The following CSF2RA variants were observed in gnomAD, a reference collection of about 807,000 sequenced individuals.
CSF2RA encodes granulocyte-macrophage colony-stimulating factor receptor subunit alpha.
Under a neutral mutation model 51.6 loss-of-function variants are expected in CSF2RA, and 42 were observed. The observed-to-expected ratio is 0.81, with a 90% CI of 0.64 to 1.05. CSF2RA has a LOEUF of 1.05. Ranked by LOEUF, CSF2RA falls within the 50% of genes least tolerant of loss-of-function variation. The pLI, the probability that CSF2RA is intolerant of heterozygous loss-of-function variation, is 0.00. For synonymous variants in CSF2RA, 222 were observed against 193.0 expected (o/e 1.15, Z -1.24); for missense variants, 530 against 501.1 (o/e 1.06, Z -0.55).
intron 7 of CSF2RA, among the ~76,000 whole-genome samples, chrX:1,293,300 C>G (rs753353945): frequency 1.1e-3 from 170 of 152,200 alleles, no homozygotes; most frequent in African/African-American, 3.7e-3. Context: ...CTCACTGCAA[C>G]CTCCGCCTCC....
intron 12 of CSF2RA, among the ~76,000 whole-genome samples, chrX:1,307,098 A>G (rs1170312479): frequency 2.0e-5 from 3 of 151,904 alleles, no homozygotes; most frequent in Non-Finnish European, 4.4e-5. Flanking sequence ...TCTCCCACCC[A>G]CCTCTCTCCG....
intron 12 of CSF2RA, chrX:1,305,995 C>T (rs763238234): frequency 1.1e-4 from 60 of 549,694 alleles, no homozygotes; most frequent in African/African-American, 6.4e-4. Context: ...GGCAGTAGAA[C>T]GGCTTGAACC....
At chrX:1,277,992 A>AAAAG (rs1556495779) in intron 2 of CSF2RA, among the ~76,000 whole-genome samples, 5 of 138,980 alleles carry the variant, frequency 3.6e-5, no homozygotes, top group African/African-American at 1.3e-4. Context: ...AAAAAAAAAA[A>AAAAG]ATTTCAGGGC....
chrX:1,303,867 C>T, intron 10 of CSF2RA, 56 bp from the exon 11 acceptor site: 1 of 1,416,102 alleles, frequency 7.1e-7, no homozygotes, highest in African/African-American at 1.4e-5. Context: ...GATTTAATTT[C>T]CTTTCACATG....
chrX:1,283,558 C>A (rs1660174151), intron 3 of CSF2RA, among the ~76,000 whole-genome samples: 5 of 114,060 alleles, frequency 4.4e-5, no homozygotes, highest in Admixed American at 2.1e-4. Context: ...TTCTTTCTTT[C>A]TTTCTTTCCT....
chrX:1,294,197 T>C, intron 7 of CSF2RA, 131 bp from the exon 8 acceptor site: 1 of 1,119,494 alleles, frequency 8.9e-7, no homozygotes, highest in South Asian at 1.2e-5. Flanking sequence ...CTGGACCCAG[T>C]GTAGACAGGA....
chrX:1,304,657 TG>T (rs1462997746), intron 11 of CSF2RA, among the ~76,000 whole-genome samples: 4 of 143,542 alleles, frequency 2.8e-5, no homozygotes, highest in South Asian at 2.1e-4. Context: ...TTTTTTTGTT[TG>T]TTTGTTTTTT....
the CSF2RA span, among the ~76,000 whole-genome samples, chrX:1,325,089 C>A: frequency 6.6e-6 from 1 of 151,382 alleles, no homozygotes; most frequent in Admixed American, 6.6e-5. Context: ...TACTTTGCGC[C>A]GTGGCTCACG....
At chrX:1,320,116 C>T in the CSF2RA span, among the ~76,000 whole-genome samples, 3 of 151,804 alleles carry the variant, frequency 2.0e-5, no homozygotes, top group East Asian at 2.0e-4. Context: ...AGGATGGTCT[C>T]GATCTCCTGA....
intron 2 of CSF2RA, among the ~76,000 whole-genome samples, chrX:1,277,315 C>T (rs1305075749): frequency 2.0e-5 from 3 of 151,606 alleles, no homozygotes; most frequent in African/African-American, 2.4e-5. Flanking sequence ...GAATTCAGGG[C>T]GGCCGGGCGC....
downstream of CSF2RA, among the ~76,000 whole-genome samples, chrX:1,314,969 TG>T: frequency 9.6e-6 from 1 of 104,592 alleles, no homozygotes; most frequent in African/African-American, 3.9e-5. Context: ...CCAACCCCAC[TG>T]TGCCTGCCCA....
chrX:1,276,272 G>A (rs2089180803), intron 2 of CSF2RA, among the ~76,000 whole-genome samples: 1 of 152,018 alleles, frequency 6.6e-6, no homozygotes, highest in Non-Finnish European at 1.5e-5. Context: ...GACCTCACAT[G>A]ATCTGCCTGC....
At chrX:1,306,037 G>A (rs1203915624) in intron 12 of CSF2RA, 12 of 462,604 alleles carry the variant, frequency 2.6e-5, no homozygotes, top group South Asian at 8.9e-5. Context: ...AGCCGAGATC[G>A]CACCACTGCA....
chrX:1,323,327 AAC>A, the CSF2RA span, among the ~76,000 whole-genome samples: 3 of 151,394 alleles, frequency 2.0e-5, no homozygotes, highest in African/African-American at 4.9e-5. Context: ...CGGCCTGGCC[AAC>A]ATGGTGAAAC....
chrX:1,300,173 C>T (rs1289912303), intron 9 of CSF2RA: 23 of 259,472 alleles, frequency 8.9e-5, no homozygotes, highest in Non-Finnish European at 1.6e-4. Context: ...GAGCCAAGAT[C>T]GCGCCACTGC....
intron 6 of CSF2RA, among the ~76,000 whole-genome samples, 187 bp from the exon 7 acceptor site, chrX:1,290,150 C>T (rs113323522): frequency 2.0e-3 from 85 of 42,910 alleles, no homozygotes; most frequent in Middle Eastern, 0.025. Context: ...TGTTTGTTTT[C>T]GTTTTGTTTT....
chrX:1,321,831 A>G, the CSF2RA span, among the ~76,000 whole-genome samples: 338 of 152,138 alleles, frequency 2.2e-3, no homozygotes, highest in African/African-American at 7.8e-3. Context: ...AATGGCCACA[A>G]ACTTGCCCCA....
rs1386925149 is a variant in CSF2RA, at chrX:1,274,822, C to A, written c.-27+4C>A. 2 of 453,392 alleles carry A rather than the reference C, an allele frequency of 4.4e-6. No homozygotes were observed. Among genetic ancestry groups the A allele is most frequent in the Admixed American group, 2.4e-5 (1 of 42,436 alleles). The allele number at this position is 453,392 out of a possible 1,614,324, so 28.1% of individuals were successfully genotyped here. On this transcript the variant is annotated splice_donor_region_variant and intron_variant, in intron 2 of 12. Transcript: ENST00000381529. ...GGCGATGTTTGCGTAGAACCCTGTACGTGCTTCCTTCGGCCTGTCGGTAAT... is the reference window on the plus strand; with the variant it reads ...GGCGATGTTTGCGTAGAACCCTGTAAGTGCTTCCTTCGGCCTGTCGGTAAT...
At chrX:1,298,374 GC>G (rs2092118350) in intron 9 of CSF2RA, among the ~76,000 whole-genome samples, 1 of 25,314 alleles carries the variant, frequency 4.0e-5, no homozygotes, top group African/African-American at 2.2e-4. Context: ...ATGACCCCTG[GC>G]AGAACCCTAC....
Sources: gnomAD v4.1 joint callset for allele counts (sites outside exome capture counted in the v4.1 genomes callset) on GRCh38, gnomAD v4.1.1 for gene constraint, MANE v1.5 for transcripts, NCBI Gene and HGNC (gene_info 2026-07-23, HGNC 2026-07-21) for gene names.